PTPRA: variants seen among roughly 807,000 people sequenced by gnomAD.
The protein encoded by PTPRA is protein tyrosine phosphatase receptor type A.
PTPRA carries 25 observed loss-of-function variants against 104.8 expected under a neutral mutation model. That is an observed-to-expected ratio of 0.24 (90% confidence interval 0.17 to 0.33). PTPRA has a LOEUF of 0.33. Ranked by LOEUF, PTPRA falls within the 10% of genes least tolerant of loss-of-function variation. The probability of loss-of-function intolerance (pLI) is 1.00; values close to 1 mark genes in which losing one functional copy is unlikely to be tolerated. For missense variants in PTPRA, 765 were observed against 1,015.3 expected (o/e 0.75, Z 3.35); for synonymous variants, 323 against 368.9 (o/e 0.88, Z 1.43).
chr20:2,939,464 G>A (rs2060824726), intron 2 of PTPRA, among the ~76,000 whole-genome samples: 1 of 152,156 alleles, frequency 6.6e-6, no homozygotes, highest in African/African-American at 2.4e-5. Flanking sequence ...CAATTTCTGG[G>A]CCACAGTGTC....
intron 6 of PTPRA, among the ~76,000 whole-genome samples, chr20:2,981,369 G>A (rs1445318444): frequency 6.6e-6 from 1 of 152,138 alleles, no homozygotes; most frequent in African/African-American, 2.4e-5. Context: ...GTATAGACCA[G>A]TGGTTCCTTA....
intron 20 of PTPRA, among the ~76,000 whole-genome samples, chr20:3,031,426 C>T (rs1054281149): frequency 6.6e-6 from 1 of 152,006 alleles, no homozygotes. Flanking sequence ...CTGTCCCTCA[C>T]CCACTGATGA....
At position 3,035,803 on chromosome 20, in the gene PTPRA, G is replaced by C; in HGVS notation, c.2060G>C (p.Arg687Pro). Residue 687 changes from arginine to proline, a missense_variant, in exon 22 of 24, where the codon CGG becomes CCG. Physicochemically the swap from Arg to Pro is moderately radical, Grantham distance 103 (BLOSUM62 -2). Coordinates refer to ENST00000399903, the MANE Select transcript of PTPRA (RefSeq NM_001385305.1). The surrounding 1 kb of genome is among the most constrained non-coding windows in gnomAD (Gnocchi z 5.8). ...TTTTTTCCAAAGGAGAATAAGAGCC[G>C]GCAGATCCGGCAGTTCCACTTCCAT... ...LVTNTRENKSRQIRQFHFHGW... is the reference protein window; with the variant it reads ...LVTNTRENKSPQIRQFHFHGW... The C allele has an allele frequency of 6.2e-7, 1 of 1,614,180 alleles. No homozygotes were observed. The highest frequency in any genetic ancestry group is 1.3e-5 in the African/African-American group (1 of 75,058).
intron 1 of PTPRA, among the ~76,000 whole-genome samples, chr20:2,883,592 C>T (rs2090190288): frequency 1.2e-5 from 1 of 80,182 alleles, no homozygotes; most frequent in Admixed American, 1.7e-4. Context: ...GCGGAGCTTG[C>T]AGTGAGCCGA....
chr20:2,935,967 C>G (rs1220484188), intron 2 of PTPRA, among the ~76,000 whole-genome samples: 2 of 150,796 alleles, frequency 1.3e-5, no homozygotes, highest in African/African-American at 4.9e-5. Context: ...TGCAGTAAGC[C>G]AAGATCTCGC....
intron 6 of PTPRA, among the ~76,000 whole-genome samples, chr20:2,977,158 C>T (rs1295880015): frequency 6.6e-6 from 1 of 151,900 alleles, no homozygotes; most frequent in African/African-American, 2.4e-5. Context: ...CGCCTGTAAT[C>T]CCAGCTACTC....
chr20:2,866,067 T>G, the PTPRA span: 1 of 703,102 alleles, frequency 1.4e-6, no homozygotes, highest in Non-Finnish European at 2.5e-6. Flanking sequence ...TGTCTGTGCA[T>G]GGGGGTTGGG....
chr20:2,888,571 A>C (rs2090502733), intron 1 of PTPRA, among the ~76,000 whole-genome samples: 1 of 147,970 alleles, frequency 6.8e-6, no homozygotes, highest in Non-Finnish European at 1.5e-5. Flanking sequence ...AAAGCATTTA[A>C]AAAAAAAAAA....
the PTPRA span, chr20:2,864,459 A>G: frequency 1.5e-5 from 24 of 1,613,992 alleles, no homozygotes; most frequent in Non-Finnish European, 1.9e-5. This position sits in a 1 kb window ranked among gnomAD's most constrained non-coding sequence, Gnocchi z 5.2. Context: ...GTTTGTACCG[A>G]CAGGTGTGTG....
At chr20:3,020,746 G>A (rs189487595) in intron 13 of PTPRA, among the ~76,000 whole-genome samples, 35 of 152,312 alleles carry the variant, frequency 2.3e-4, no homozygotes, top group Non-Finnish European at 4.1e-4. Flanking sequence ...AGGGTATCGG[G>A]TGTCATGATC....
chr20:2,974,584 G>A (rs936098782), intron 5 of PTPRA, among the ~76,000 whole-genome samples: 23 of 151,972 alleles, frequency 1.5e-4, no homozygotes, highest in African/African-American at 3.1e-4. Flanking sequence ...CCACCACCAC[G>A]CCCAGCTAAT....
At chr20:2,934,760 C>T (rs2060630388) in intron 2 of PTPRA, among the ~76,000 whole-genome samples, 1 of 149,434 alleles carries the variant, frequency 6.7e-6, no homozygotes, top group South Asian at 2.1e-4. Context: ...CAACCTCTGA[C>T]TCCCTGATTC....
intron 5 of PTPRA, among the ~76,000 whole-genome samples, chr20:2,968,368 TCA>T (rs1393946913): frequency 2.0e-5 from 3 of 152,180 alleles, no homozygotes; most frequent in Non-Finnish European, 4.4e-5. Context: ...TCCTGAAATT[TCA>T]CAGAGATGTA....
At chr20:2,962,444 G>T (rs895349423) in intron 3 of PTPRA, among the ~76,000 whole-genome samples, 1 of 152,084 alleles carries the variant, frequency 6.6e-6, no homozygotes, top group Non-Finnish European at 1.5e-5. Context: ...TGAGGTGGTG[G>T]TCTAACTCCC....
intron 9 of PTPRA, among the ~76,000 whole-genome samples, chr20:2,989,965 C>T (rs1352007667): frequency 6.6e-6 from 1 of 151,968 alleles, no homozygotes; most frequent in Admixed American, 6.6e-5. Context: ...TGCAGTGAGC[C>T]GAGATCATGC....
At chr20:2,910,122 A>G (rs1208576043) in intron 1 of PTPRA, among the ~76,000 whole-genome samples, 1 of 118,314 alleles carries the variant, frequency 8.5e-6, no homozygotes, top group Non-Finnish European at 1.6e-5. Flanking sequence ...TATGATGTAT[A>G]GTATATATGA....
chr20:2,996,963 T>C (rs1290418365), intron 9 of PTPRA, among the ~76,000 whole-genome samples: 2 of 152,150 alleles, frequency 1.3e-5, no homozygotes, highest in East Asian at 3.8e-4. Flanking sequence ...GAAAAAGCCA[T>C]GTACAAAGAT....
intron 1 of PTPRA, among the ~76,000 whole-genome samples, chr20:2,879,041 C>T (rs1418434871): frequency 6.6e-6 from 1 of 152,154 alleles, no homozygotes; most frequent in African/African-American, 2.4e-5. Context: ...GCTGGGGACA[C>T]CCCAGAGTAA....
intron 11 of PTPRA, among the ~76,000 whole-genome samples, chr20:3,008,086 G>T (rs1354065311): frequency 6.6e-6 from 1 of 152,122 alleles, no homozygotes; most frequent in Non-Finnish European, 1.5e-5. Flanking sequence ...AATTTGAACA[G>T]AAAAAAGAGA....
Sources: gnomAD v4.1 joint callset for allele counts (sites outside exome capture counted in the v4.1 genomes callset) on GRCh38, gnomAD v4.1.1 for gene constraint, Gnocchi (gnomAD v3.1) non-coding constraint, MANE v1.5 for transcripts, NCBI Gene and HGNC (gene_info 2026-07-23, HGNC 2026-07-21) for gene names.